CNTNAP2: variants seen among roughly 807,000 people sequenced by gnomAD.
The protein encoded by CNTNAP2 is contactin associated protein 2.
CNTNAP2 carries 98 observed loss-of-function variants against 155.2 expected under a neutral mutation model. The observed-to-expected ratio is 0.63, with a 90% confidence interval of 0.54 to 0.75. The LOEUF (loss-of-function observed/expected upper bound fraction) is 0.75. CNTNAP2 is among the 30% of genes least tolerant of loss of function. The pLI is 0.00. For synonymous variants in CNTNAP2, 651 were observed against 631.2 expected, an observed-to-expected ratio of 1.03 and a Z score of -0.47; for missense variants, 1,727 against 1,688.1, an observed-to-expected ratio of 1.02 and a Z score of -0.40.
chr7:147,945,923 G>A (rs1176506682), intron 14 of CNTNAP2, among the ~76,000 whole-genome samples: 8 of 142,192 alleles, frequency 5.6e-5, no homozygotes, highest in South Asian at 2.2e-4. Flanking sequence ...GCTGGAGTGC[G>A]GTGGTGCCAT....
chr7:146,717,423 A>C (rs111250681), intron 1 of CNTNAP2, among the ~76,000 whole-genome samples: 6,862 of 151,412 alleles, frequency 0.045, 241 homozygotes, highest in Non-Finnish European at 0.059. Context: ...TGAGGCATGG[A>C]GAATTGCTTG....
At chr7:147,119,734 G>A (rs1286165618) in intron 5 of CNTNAP2, among the ~76,000 whole-genome samples, 1 of 151,600 alleles carries the variant, frequency 6.6e-6, no homozygotes, top group Non-Finnish European at 1.5e-5. Flanking sequence ...GAAGGAAGGA[G>A]GGAGTGTGGG....
chr7:146,118,984 T>C (rs1797525387), intron 1 of CNTNAP2, among the ~76,000 whole-genome samples: 1 of 152,158 alleles, frequency 6.6e-6, no homozygotes, highest in Non-Finnish European at 1.5e-5. Context: ...CAGAACTTTA[T>C]TGATTAGAAT....
rs532387531 is a variant in CNTNAP2, at chr7:147,785,278, T to A, written c.2099-118287T>A. On this transcript the variant is annotated intron_variant, in intron 13 of 23. Transcript: ENST00000361727. ...TTCAACATCTAGCTTCTAGGCAGAATAACACACTTCAAACTCAGGAAGCTC... is the reference window on the plus strand; with the variant it reads ...TTCAACATCTAGCTTCTAGGCAGAAAAACACACTTCAAACTCAGGAAGCTC... Among the ~76,000 whole-genome samples the A allele has an allele frequency of 2.7e-4, 41 of 152,210 alleles. 2 individuals carry two copies. In the South Asian group the frequency reaches 7.7e-3, roughly 29 times the overall value.
chr7:147,723,589 T>C (rs537218336), intron 13 of CNTNAP2, among the ~76,000 whole-genome samples: 2 of 151,922 alleles, frequency 1.3e-5, no homozygotes, highest in African/African-American at 2.4e-5. Context: ...TTTAGAACTC[T>C]AGTTGCAAAA....
intron 8 of CNTNAP2, among the ~76,000 whole-genome samples, chr7:147,191,216 CCAAGA>C (rs1802675122): frequency 6.6e-6 from 1 of 151,982 alleles, no homozygotes; most frequent in South Asian, 2.1e-4. Flanking sequence ...AGTGTCTAGC[CCAAGA>C]CATAGCTAGA....
intron 1 of CNTNAP2, among the ~76,000 whole-genome samples, chr7:146,700,908 A>G (rs1291579019): frequency 6.6e-6 from 1 of 152,142 alleles, no homozygotes; most frequent in Non-Finnish European, 1.5e-5. Context: ...ACAAAGGATA[A>G]GAATCCCAAG....
intron 21 of CNTNAP2, among the ~76,000 whole-genome samples, chr7:148,279,727 T>C (rs141035361): frequency 6.6e-6 from 1 of 152,282 alleles, no homozygotes; most frequent in Non-Finnish European, 1.5e-5. Flanking sequence ...AAAAAGCCTA[T>C]TGATAAATGT....
intron 3 of CNTNAP2, among the ~76,000 whole-genome samples, chr7:146,883,980 G>C (rs966989270): frequency 6.6e-6 from 1 of 151,938 alleles, no homozygotes; most frequent in Non-Finnish European, 1.5e-5. Context: ...GGTTACTATT[G>C]ATGTTCAATG....
At chr7:146,395,063 A>ATTCTTTCT (rs148235947) in intron 1 of CNTNAP2, among the ~76,000 whole-genome samples, 5 of 152,150 alleles carry the variant, frequency 3.3e-5, no homozygotes, top group African/African-American at 1.2e-4. Context: ...CACAAAAGAC[A>ATTCTTTCT]TTATTTCTTT....
intron 1 of CNTNAP2, among the ~76,000 whole-genome samples, chr7:146,353,314 CG>C (rs1298343105): frequency 6.6e-6 from 1 of 152,148 alleles, no homozygotes; most frequent in Non-Finnish European, 1.5e-5. Flanking sequence ...CCTTAAAACA[CG>C]GTCTTCACTT....
At chr7:147,541,288 G>T (rs559593734) in intron 11 of CNTNAP2, among the ~76,000 whole-genome samples, 1 of 152,140 alleles carries the variant, frequency 6.6e-6, no homozygotes, top group Admixed American at 6.6e-5. Context: ...TTACTTTCAA[G>T]CTCCATAGCC....
intron 13 of CNTNAP2, among the ~76,000 whole-genome samples, chr7:147,668,270 C>T (rs1179129501): frequency 1.3e-5 from 2 of 152,194 alleles, no homozygotes; most frequent in Non-Finnish European, 2.9e-5. Flanking sequence ...GACCCCAAAA[C>T]TGAATGGTTC....
chr7:148,141,694 G>A (rs545460357), intron 16 of CNTNAP2, among the ~76,000 whole-genome samples: 19 of 152,196 alleles, frequency 1.2e-4, no homozygotes, highest in Non-Finnish European at 2.4e-4. Flanking sequence ...AGTGATACAT[G>A]CTATGCAGAC....
At chr7:146,723,999 T>G (rs1801384149) in intron 1 of CNTNAP2, among the ~76,000 whole-genome samples, 1 of 152,180 alleles carries the variant, frequency 6.6e-6, no homozygotes, top group African/African-American at 2.4e-5. Context: ...TGGGACATAC[T>G]TATGCTAAAA....
chr7:147,667,391 C>A (rs1795713008), intron 13 of CNTNAP2, among the ~76,000 whole-genome samples: 5 of 152,096 alleles, frequency 3.3e-5, no homozygotes, highest in Admixed American at 3.3e-4. Flanking sequence ...GACAGAATAA[C>A]CATCTCACTT....
At chr7:148,274,167 A>AT (rs1455922736) in intron 21 of CNTNAP2, among the ~76,000 whole-genome samples, 1 of 151,832 alleles carries the variant, frequency 6.6e-6, no homozygotes, top group African/African-American at 2.4e-5. Flanking sequence ...TAAGACAGTG[A>AT]TTTTTTCCGT....
intron 3 of CNTNAP2, among the ~76,000 whole-genome samples, chr7:146,916,683 C>A (rs1381811609): frequency 6.6e-6 from 1 of 151,274 alleles, no homozygotes. Flanking sequence ...TTATTTCTAA[C>A]TGAGCTTATT....
At chr7:148,286,607 T>A (rs1284350903) in intron 21 of CNTNAP2, among the ~76,000 whole-genome samples, 2 of 147,848 alleles carry the variant, frequency 1.4e-5, no homozygotes, top group African/African-American at 2.5e-5. Flanking sequence ...TTAAAAAAAA[T>A]CTTTTTGTTA....
Sources: allele counts gnomAD v4.1 joint callset (sites outside exome capture counted in the v4.1 genomes callset), GRCh38; gene constraint gnomAD v4.1.1; transcripts MANE v1.5; gene names NCBI Gene and HGNC (gene_info 2026-07-23, HGNC 2026-07-21).